MRTFB: variants seen among roughly 807,000 people sequenced by gnomAD.
The protein encoded by MRTFB is myocardin-related transcription factor B.
In MRTFB, 29 loss-of-function variants were observed where a neutral mutation model predicts 104.2. The observed-to-expected ratio is 0.28, with a 90% CI of 0.21 to 0.38. MRTFB has a LOEUF of 0.38. MRTFB is among the 10% of genes least tolerant of loss of function. The probability of loss-of-function intolerance (pLI) is 1.00; values close to 1 mark genes in which losing one functional copy is unlikely to be tolerated. For synonymous variants in MRTFB, 535 were observed against 519.5 expected, an observed-to-expected ratio of 1.03 and a Z score of -0.41; for missense variants, 1,270 against 1,341.6, an observed-to-expected ratio of 0.95 and a Z score of 0.83.
the MRTFB span, among the ~76,000 whole-genome samples, chr16:14,032,842 G>T: frequency 6.6e-6 from 1 of 152,120 alleles, no homozygotes; most frequent in Non-Finnish European, 1.5e-5. Context: ...TCAAAAGTGA[G>T]ACATGATCTT....
intron 2 of MRTFB, among the ~76,000 whole-genome samples, chr16:14,122,750 T>C (rs992905629): frequency 3.3e-4 from 50 of 152,226 alleles, no homozygotes; most frequent in African/African-American, 1.1e-3. Context: ...ACAGTAAACA[T>C]ATGTGTGCAT....
chr16:14,063,387 C>T, the MRTFB span, among the ~76,000 whole-genome samples: 5 of 152,266 alleles, frequency 3.3e-5, no homozygotes, highest in Admixed American at 3.3e-4. Flanking sequence ...TTCAGGGGCA[C>T]ATGTGCAGAT....
chr16:14,043,015 C>T, the MRTFB span, among the ~76,000 whole-genome samples: 1 of 152,128 alleles, frequency 6.6e-6, no homozygotes, highest in African/African-American at 2.4e-5. Flanking sequence ...ACGGGTAGCC[C>T]GGAGCTTGGG....
chr16:14,131,380 T>C (rs1044754131), intron 2 of MRTFB, among the ~76,000 whole-genome samples: 3 of 152,178 alleles, frequency 2.0e-5, no homozygotes, highest in African/African-American at 7.2e-5. Flanking sequence ...CAAAAGTTCA[T>C]GGATGTGCAT....
chr16:14,039,351 T>C, the MRTFB span, among the ~76,000 whole-genome samples: 2 of 152,144 alleles, frequency 1.3e-5, no homozygotes, highest in African/African-American at 4.8e-5. Context: ...TATGTCCTAG[T>C]GTTGGAAATC....
At position 14,192,598 on chromosome 16, in the gene MRTFB, A is replaced by G. The variant is rs958401554; in HGVS notation, c.155-17645A>G. ...ATGTTAAACTTCTGTAAGCCCCTAC[A>G]TTCAGGGAGCTGATAGCCTAAAGAA... On this transcript the variant is annotated intron_variant, in intron 3 of 16. Transcript: ENST00000571589. Among the ~76,000 whole-genome samples, 10 of 152,336 alleles carry G rather than the reference A, an allele frequency of 6.6e-5. No homozygotes were observed. The East Asian group carries it at 1.9e-3, about 29-fold the overall frequency.
intron 1 of MRTFB, among the ~76,000 whole-genome samples, chr16:14,077,719 G>A (rs1345718768): frequency 6.6e-6 from 1 of 152,094 alleles, no homozygotes; most frequent in Non-Finnish European, 1.5e-5. Flanking sequence ...GGGATTAAAA[G>A]AGAAAACGTG....
At chr16:14,014,559 AAAG>A in the MRTFB span, among the ~76,000 whole-genome samples, 24 of 152,070 alleles carry the variant, frequency 1.6e-4, no homozygotes, top group Middle Eastern at 3.4e-3. Context: ...CTTGTCTCAA[AAAG>A]AAAAAAAAAA....
intron 12 of MRTFB, 161 bp downstream of exon 12, chr16:14,247,668 A>G: frequency 1.5e-6 from 1 of 649,652 alleles, no homozygotes; most frequent in Non-Finnish European, 2.6e-6. Context: ...AAATCTGAAT[A>G]TCTAGCACTG....
At chr16:13,999,500 C>CA in the MRTFB span, among the ~76,000 whole-genome samples, 1,766 of 88,482 alleles carry the variant, frequency 0.02, 15 homozygotes, top group African/African-American at 0.044. Context: ...AGCCTTCTGG[C>CA]AAAAAAAAAA....
intron 8 of MRTFB, among the ~76,000 whole-genome samples, chr16:14,221,864 C>G (rs1272852207): frequency 6.8e-6 from 1 of 147,204 alleles, no homozygotes; most frequent in Non-Finnish European, 1.5e-5. Context: ...TTACTACAAC[C>G]TCTGCCTCCC....
intron 8 of MRTFB, among the ~76,000 whole-genome samples, chr16:14,222,110 C>T (rs1042040408): frequency 2.6e-5 from 4 of 152,054 alleles, no homozygotes; most frequent in African/African-American, 7.2e-5. Context: ...TGGACTAATC[C>T]TTGTAAAGTA....
rs182498696 is a variant in MRTFB, at chr16:14,192,397, C to T, written c.155-17846C>T. On this transcript the variant is annotated intron_variant, in intron 3 of 16. Coordinates refer to ENST00000571589, the MANE Select transcript of MRTFB (RefSeq NM_001308142.2). ...ATCAAAAAGTAAATTTGAAAAGATA[C>T]GAGATATGGTTCTTATACAATAGGA... Among the ~76,000 whole-genome samples the T allele has an allele frequency of 1.1e-4, 17 of 151,952 alleles. 1 individual carries two copies. The highest frequency in any genetic ancestry group is 4.2e-4 in the South Asian group (2 of 4,798).
At position 14,246,706 on chromosome 16, in the gene MRTFB, G is replaced by A. The variant is rs2043030761; in HGVS notation, c.1446G>A (p.Lys482=). 1 of 1,614,022 alleles carries A rather than the reference G, an allele frequency of 6.2e-7. No homozygotes were observed. The highest frequency in any genetic ancestry group is 8.5e-7 in the Non-Finnish European group (1 of 1,180,048). The part of the protein sequence containing the change: ...NTVTSSVSTL[K]AELPPTGTSN... ...TGACTAGCTCAGTCTCTACTCTCAA[G>A]GCAGAATTGCCACCTACAGGAACCA... The change falls in exon 12 of 17, where the codon AAG becomes AAA. Residue 482 remains lysine (K), a synonymous_variant. Coordinates refer to ENST00000571589, the MANE Select transcript of MRTFB (RefSeq NM_001308142.2).
Position 14,140,550 on chromosome 16 carries a change from C to T in MRTFB, c.-57C>T, listed in dbSNP as rs1177693757. 1 of 1,599,104 alleles carries T rather than the reference C, an allele frequency of 6.3e-7. No individual in the cohort carries two copies. Among genetic ancestry groups the T allele is most frequent in the Admixed American group, 1.7e-5 (1 of 59,346 alleles). Reference sequence around the variant, plus strand: ...ACATTCTTTATTTTGGCAGTGTCTTCAATAGGCCGTGTTTAAGAGGCGTCT... The same window carrying T: ...ACATTCTTTATTTTGGCAGTGTCTTTAATAGGCCGTGTTTAAGAGGCGTCT... On this transcript the variant is annotated 5_prime_UTR_variant, in exon 3 of 17. Coordinates refer to ENST00000571589, the MANE Select transcript of MRTFB (RefSeq NM_001308142.2).
At chr16:14,015,908 G>T in the MRTFB span, 2 of 398,494 alleles carry the variant, frequency 5.0e-6, no homozygotes, top group Non-Finnish European at 8.8e-6. Context: ...TTCTCTCCGG[G>T]TCTCCTCCAC....
chr16:14,001,696 G>A, the MRTFB span, among the ~76,000 whole-genome samples: 7 of 152,360 alleles, frequency 4.6e-5, no homozygotes, highest in South Asian at 1.2e-3. Flanking sequence ...GCTTCAAGCA[G>A]GCTGCAAAAC....
intron 2 of MRTFB, among the ~76,000 whole-genome samples, chr16:14,090,749 T>C (rs1398374038): frequency 1.3e-5 from 2 of 152,224 alleles, no homozygotes; most frequent in Non-Finnish European, 2.9e-5. Context: ...GCACCAGATA[T>C]CTCACAACAG....
rs2041306710 is a variant in MRTFB at position 14,213,944 on chromosome 16, A to C, written c.352+324A>C. Among the ~76,000 whole-genome samples the C allele has an allele frequency of 1.3e-5, 2 of 152,198 alleles. 1 individual carries two copies. Among genetic ancestry groups the C allele is most frequent in the South Asian group, 4.1e-4 (2 of 4,824 alleles). On this transcript the variant is annotated intron_variant, in intron 6 of 16. Transcript: ENST00000571589. ...ACATGTATCCACTTATTAAGTCATA[A>C]AGAATGCAATAGCACAAGTCTAACC...
Sources: gnomAD v4.1 joint callset for allele counts (sites outside exome capture counted in the v4.1 genomes callset) on GRCh38, gnomAD v4.1.1 for gene constraint, MANE v1.5 for transcripts, NCBI Gene and HGNC (gene_info 2026-07-23, HGNC 2026-07-21) for gene names.